The following DCC variants were observed in gnomAD, a reference collection of about 807,000 sequenced individuals.
DCC encodes the protein netrin receptor DCC.
A neutral mutation model predicts 172.5 loss-of-function variants in DCC; 58 were observed. That is an observed-to-expected ratio of 0.34 (90% CI 0.27 to 0.42). The LOEUF is 0.42. Ranked by LOEUF, DCC falls within the 10% of genes least tolerant of loss-of-function variation. DCC has a pLI of 1.00. For synonymous variants in DCC, 709 were observed against 644.5 expected (o/e 1.10, Z -1.52); for missense variants, 1,740 against 1,791.0 (o/e 0.97, Z 0.51).
intron 9 of DCC, among the ~76,000 whole-genome samples, chr18:53,188,124 GAAACAT>G (rs1280190676): frequency 6.6e-6 from 1 of 152,098 alleles, no homozygotes; most frequent in Admixed American, 6.6e-5. Context: ...CCGGTGCCCT[GAAACAT>G]AATTTTAAAT....
At chr18:52,872,935 G>T (rs558088430) in intron 2 of DCC, among the ~76,000 whole-genome samples, 1 of 152,130 alleles carries the variant, frequency 6.6e-6, no homozygotes, top group African/African-American at 2.4e-5. Context: ...TAAAAAATAA[G>T]CTATTACATT....
chr18:52,738,082 C>T (rs2036756236), intron 1 of DCC, among the ~76,000 whole-genome samples: 1 of 152,086 alleles, frequency 6.6e-6, no homozygotes, highest in Admixed American at 6.5e-5. Context: ...TCGGTTTTGC[C>T]TCTTGGTCCA....
At chr18:52,416,042 G>C (rs1402348630) in intron 1 of DCC, among the ~76,000 whole-genome samples, 1 of 151,850 alleles carries the variant, frequency 6.6e-6, no homozygotes, top group Non-Finnish European at 1.5e-5. Context: ...ACACTGCTTT[G>C]AATGTGTCCC....
intron 1 of DCC, among the ~76,000 whole-genome samples, chr18:52,470,657 C>G (rs76197658): frequency 0.021 from 3,141 of 152,226 alleles, 94 homozygotes; most frequent in African/African-American, 0.07. Flanking sequence ...GTCAGGAACC[C>G]CAGTGACTTC....
At chr18:52,963,828 G>GTTTTT (rs199927780) in intron 5 of DCC, among the ~76,000 whole-genome samples, 1 of 145,632 alleles carries the variant, frequency 6.9e-6, no homozygotes, top group African/African-American at 2.5e-5. Flanking sequence ...ATTATCTCTA[G>GTTTTT]TTTTTTTTTT....
chr18:52,929,332 A>T (rs772182585), intron 5 of DCC, among the ~76,000 whole-genome samples: 36 of 151,418 alleles, frequency 2.4e-4, no homozygotes, highest in Admixed American at 4.7e-4. Context: ...ACACATTCCT[A>T]TTCATCGTTT....
At chr18:53,279,964 G>GT (rs959126994) in intron 12 of DCC, among the ~76,000 whole-genome samples, 3 of 151,756 alleles carry the variant, frequency 2.0e-5, no homozygotes, top group African/African-American at 7.3e-5. Context: ...GAGGGAGATA[G>GT]TAAAAAAAAA....
chr18:52,522,998 G>A (rs1598885604), intron 1 of DCC, among the ~76,000 whole-genome samples: 1 of 152,094 alleles, frequency 6.6e-6, no homozygotes, highest in East Asian at 1.9e-4. Context: ...TGGTAATATT[G>A]GTATGAAGTG....
chr18:52,359,815 C>T (rs1360926936), intron 1 of DCC, among the ~76,000 whole-genome samples: 4 of 152,068 alleles, frequency 2.6e-5, no homozygotes, highest in Non-Finnish European at 5.9e-5. Flanking sequence ...CTGTATGTTC[C>T]CATATTATTT....
At chr18:53,206,283 TACC>T (rs1234760411) in intron 10 of DCC, among the ~76,000 whole-genome samples, 2 of 133,904 alleles carry the variant, frequency 1.5e-5, no homozygotes, top group Non-Finnish European at 3.1e-5. Flanking sequence ...AACACATATA[TACC>T]ACATATATGT....
rs563939103 is a variant in DCC at position 53,049,500 on chromosome 18, G to A, written c.986-13805G>A. Among the ~76,000 whole-genome samples, 451 of 151,870 alleles carry A rather than the reference G, an allele frequency of 3.0e-3. 2 individuals carry two copies. The highest frequency in any genetic ancestry group is 4.9e-3 in the Non-Finnish European group (331 of 67,958). ...AGTAGTAGTAACTGGTGGTAAGTAT[G>A]CAGCATTATTTCTGGGCTCTCTATT... On this transcript the variant is annotated intron_variant, in intron 5 of 28. Coordinates refer to ENST00000442544, the MANE Select transcript of DCC (RefSeq NM_005215.4).
chr18:53,340,579 A>T (rs2057647999), intron 15 of DCC, among the ~76,000 whole-genome samples: 2 of 152,168 alleles, frequency 1.3e-5, no homozygotes, highest in Non-Finnish European at 2.9e-5. Context: ...TGATATTCTG[A>T]ATTCATTGAA....
intron 1 of DCC, among the ~76,000 whole-genome samples, chr18:52,640,070 C>A (rs550953979): frequency 6.6e-6 from 1 of 151,898 alleles, no homozygotes; most frequent in East Asian, 1.9e-4. Context: ...ATACACAAGT[C>A]CATGTGATAC....
intron 21 of DCC, among the ~76,000 whole-genome samples, chr18:53,426,758 C>T (rs1351134188): frequency 6.6e-6 from 1 of 152,012 alleles, no homozygotes; most frequent in African/African-American, 2.4e-5. Context: ...ATTCCTAATG[C>T]TTAGCACTGT....
At chr18:53,429,978 C>A (rs1181369337) in intron 21 of DCC, among the ~76,000 whole-genome samples, 1 of 152,096 alleles carries the variant, frequency 6.6e-6, no homozygotes, top group Admixed American at 6.6e-5. Context: ...TGTTTAAAAT[C>A]AGCATTGTTA....
intron 5 of DCC, among the ~76,000 whole-genome samples, chr18:53,059,430 C>G (rs950611440): frequency 1.3e-5 from 2 of 152,068 alleles, no homozygotes; most frequent in African/African-American, 4.8e-5. Flanking sequence ...ATAAGTTTAA[C>G]AAGTAAGCAG....
At chr18:52,642,085 C>CAT (rs147835217) in intron 1 of DCC, among the ~76,000 whole-genome samples, 65,652 of 124,070 alleles carry the variant, frequency 0.53, 17,837 homozygotes, top group East Asian at 0.72. Context: ...TATATACACA[C>CAT]ACACACACAC....
intron 5 of DCC, among the ~76,000 whole-genome samples, chr18:53,054,378 TCA>T (rs1488784447): frequency 6.6e-6 from 1 of 151,962 alleles, no homozygotes; most frequent in Non-Finnish European, 1.5e-5. Flanking sequence ...ATATGTAGGC[TCA>T]CACACACACG....
intron 24 of DCC, among the ~76,000 whole-genome samples, chr18:53,465,007 GAAAAAA>G (rs1316689808): frequency 7.0e-6 from 1 of 142,258 alleles, no homozygotes; most frequent in African/African-American, 2.6e-5. Context: ...AAAAAGAGAA[GAAAAAA>G]AGAAAAAGAA....
Sources: gnomAD v4.1 joint callset for allele counts (sites outside exome capture counted in the v4.1 genomes callset) on GRCh38, gnomAD v4.1.1 for gene constraint, MANE v1.5 for transcripts, NCBI Gene and HGNC (gene_info 2026-07-23, HGNC 2026-07-21) for gene names.